Variants in TMEM245 observed in about 807,000 individuals in gnomAD.
TMEM245 encodes transmembrane protein 245, also known as protein CG-2.
TMEM245 carries 69 observed loss-of-function variants against 101.2 expected under a neutral mutation model. The ratio of observed to expected loss-of-function variants is 0.68; its 90% confidence interval spans 0.56 to 0.83. TMEM245 has a LOEUF of 0.83. TMEM245 is among the 40% of genes least tolerant of loss of function. The probability of loss-of-function intolerance (pLI) is 0.00; values close to 1 mark genes in which losing one functional copy is unlikely to be tolerated. For synonymous variants in TMEM245, 537 were observed against 449.8 expected, an observed-to-expected ratio of 1.19 and a Z score of -2.45; for missense variants, 1,075 against 1,092.8, an observed-to-expected ratio of 0.98 and a Z score of 0.23.
At chr9:109,028,110 C>G (rs570403194) in intron 17 of TMEM245, among the ~76,000 whole-genome samples, 1 of 152,116 alleles carries the variant, frequency 6.6e-6, no homozygotes, top group Admixed American at 6.5e-5. Context: ...CTTTTTTGCA[C>G]TTTGGAATAT....
At chr9:109,086,154 G>T in intron 6 of TMEM245, 134 bp from the exon 7 acceptor site, 1 of 836,128 alleles carries the variant, frequency 1.2e-6, no homozygotes. Flanking sequence ...AACTAGGGAC[G>T]GAAAAACTGT....
intron 14 of TMEM245, among the ~76,000 whole-genome samples, chr9:109,049,943 C>T (rs911465624): frequency 1.3e-5 from 2 of 152,288 alleles, no homozygotes; most frequent in Admixed American, 1.3e-4. Flanking sequence ...GTGCATGCCA[C>T]CAAGCCCAGA....
intron 8 of TMEM245, among the ~76,000 whole-genome samples, chr9:109,079,226 A>G (rs1019219028): frequency 2.6e-5 from 4 of 151,866 alleles, no homozygotes; most frequent in Admixed American, 6.6e-5. Context: ...TTTATTCTTG[A>G]TTTCTGTGGA....
In TMEM245 at chr9:109,108,439, A is replaced by G; in HGVS notation, c.697+14T>C. 3 of 1,444,244 alleles carry G rather than the reference A, an allele frequency of 2.1e-6. No homozygotes were observed. Among genetic ancestry groups the G allele is most frequent in the Admixed American group, 2.5e-5 (1 of 39,698 alleles). 89.5% of individuals were successfully genotyped at this position (1,444,244 alleles called of 1,614,324 possible). A position where few individuals can be genotyped will look rare whatever the true frequency, so the allele number is the denominator to read the frequency against. Reference sequence around the variant, plus strand: ...TAGACTTAAAAAAAAAAAAAAAAAAAAGAAGGAACCCACCTAAATGAAAAA... The same window carrying G: ...TAGACTTAAAAAAAAAAAAAAAAAAGAGAAGGAACCCACCTAAATGAAAAA... On this transcript the variant is annotated intron_variant, in intron 2 of 17. Coordinates refer to ENST00000374586, the MANE Select transcript of TMEM245 (RefSeq NM_032012.4).
chr9:109,089,554 A>G (rs1028389424), intron 5 of TMEM245, among the ~76,000 whole-genome samples: 8 of 152,194 alleles, frequency 5.3e-5, no homozygotes, highest in African/African-American at 1.9e-4. Flanking sequence ...AGAAGGCAAA[A>G]TCCACAGCAG....
At chr9:109,041,973 C>T (rs566597906) in intron 14 of TMEM245, among the ~76,000 whole-genome samples, 36 of 152,082 alleles carry the variant, frequency 2.4e-4, no homozygotes, top group African/African-American at 8.2e-4. Context: ...CTACTATAAC[C>T]ACAAAAAATT....
intron 8 of TMEM245, among the ~76,000 whole-genome samples, chr9:109,080,070 T>C (rs1829623914): frequency 6.6e-6 from 1 of 152,040 alleles, no homozygotes; most frequent in Non-Finnish European, 1.5e-5. Flanking sequence ...CTTTAGCAAA[T>C]TGGTTAATTA....
At chr9:109,055,721 G>A (rs942669590) in intron 12 of TMEM245, among the ~76,000 whole-genome samples, 4 of 150,548 alleles carry the variant, frequency 2.7e-5, no homozygotes, top group South Asian at 2.1e-4. Flanking sequence ...CGCACCCTCC[G>A]CCTCCCAGAT....
At chr9:109,093,375 GGAGT>G in intron 4 of TMEM245, 96 bp downstream of exon 4, 4 of 918,070 alleles carry the variant, frequency 4.4e-6, no homozygotes, top group Non-Finnish European at 5.1e-6. Flanking sequence ...AGGATCAGCA[GGAGT>G]AAGTAGCATT....
intron 1 of TMEM245, among the ~76,000 whole-genome samples, chr9:109,118,951 T>C (rs1173618168): frequency 6.6e-6 from 1 of 152,126 alleles, no homozygotes. Flanking sequence ...AGCTCTGACA[T>C]TCAGATGCGC....
Position 109,119,398 on chromosome 9 carries a change from C to T in TMEM245, c.516G>A (p.Gln172=). The T allele has an allele frequency of 6.5e-7, 1 of 1,528,498 alleles. No individual in the cohort carries two copies. The highest frequency in any genetic ancestry group is 8.8e-7 in the Non-Finnish European group (1 of 1,142,060). 94.7% of individuals were successfully genotyped at this position (1,528,498 alleles called of 1,614,324 possible). ...GCGTGGCAGCGTGCACCAGCAGCACCTGCACGCCCAAGTAGCTGCCGAGGC... is the reference window on the plus strand; with the variant it reads ...GCGTGGCAGCGTGCACCAGCAGCACTTGCACGCCCAAGTAGCTGCCGAGGC... The part of the protein sequence containing the change: ...LYCLGSYLGV[Q]VLLVHAATLI... The change falls in exon 1 of 18, where the codon CAG becomes CAA. Residue 172 remains glutamine (Q), a synonymous_variant. Transcript: ENST00000374586.
chr9:109,024,031 A>G (rs1160641400), intron 17 of TMEM245, among the ~76,000 whole-genome samples: 2 of 152,082 alleles, frequency 1.3e-5, no homozygotes, highest in Admixed American at 1.3e-4. Context: ...TGAGATCTTT[A>G]CAAATTCATT....
chr9:109,077,919 T>G (rs1407867733), intron 8 of TMEM245, among the ~76,000 whole-genome samples: 3 of 152,232 alleles, frequency 2.0e-5, no homozygotes, highest in African/African-American at 7.2e-5. Context: ...ACCTAAGTAT[T>G]GTCATGACCA....
chr9:109,039,605 T>C (rs1488610135), intron 14 of TMEM245, among the ~76,000 whole-genome samples: 1 of 151,786 alleles, frequency 6.6e-6, no homozygotes, highest in African/African-American at 2.4e-5. Flanking sequence ...GAACAAGACA[T>C]CTGAGACGCA....
intron 5 of TMEM245, among the ~76,000 whole-genome samples, chr9:109,089,361 C>T (rs536113396): frequency 6.6e-6 from 1 of 152,074 alleles, no homozygotes; most frequent in East Asian, 1.9e-4. Flanking sequence ...ATTAACTATC[C>T]AATTGAGTGA....
At chr9:109,099,349 G>T (rs1300270283) in intron 3 of TMEM245, among the ~76,000 whole-genome samples, 1 of 152,124 alleles carries the variant, frequency 6.6e-6, no homozygotes, top group Admixed American at 6.5e-5. Flanking sequence ...AACCAAACTT[G>T]TTCACTCATA....
intron 1 of TMEM245, among the ~76,000 whole-genome samples, chr9:109,117,038 G>A (rs1023754951): frequency 1.3e-5 from 2 of 151,888 alleles, no homozygotes; most frequent in South Asian, 2.1e-4. Context: ...TTTATGTTGA[G>A]TTTGTTTTTT....
Position 109,091,055 on chromosome 9 carries a change from C to A in TMEM245, c.1017G>T (p.Arg339Ser). 1 of 1,614,154 alleles carries A rather than the reference C, an allele frequency of 6.2e-7. No homozygotes were observed. Among genetic ancestry groups the A allele is most frequent in the Non-Finnish European group, 8.5e-7 (1 of 1,180,036 alleles). ...TTCTAAGAAACGTTCCTATTTCAGGCCTTCGTCTGCCCAGAGTAGGTGAAG... is the reference window on the plus strand; with the variant it reads ...TTCTAAGAAACGTTCCTATTTCAGGACTTCGTCTGCCCAGAGTAGGTGAAG... ...TSPSPTLGRR[R>S]PEIGTFLRKK... Residue 339 changes from arginine to serine, a missense_variant, in exon 5 of 18, where the codon AGG (arginine) becomes AGT (serine). Around this residue, in one of 2 missense-constraint regions of TMEM245, gnomAD observed 808 missense variants for 741.5 expected, o/e 1.09. Coordinates refer to ENST00000374586, the MANE Select transcript of TMEM245 (RefSeq NM_032012.4).
Position 109,108,501 on chromosome 9 carries a change from A to G in TMEM245, c.649T>C (p.Leu217=). 1 of 1,608,166 alleles carries G rather than the reference A, an allele frequency of 6.2e-7. No homozygotes were observed. The highest frequency in any genetic ancestry group is 8.5e-7 in the Non-Finnish European group (1 of 1,177,322). ...CAGACAGGAATTGAAACTGCTCTCA[A>G]GTAGCGTTCAGTGCTTGCATTCCAC... is the stretch of plus-strand genomic sequence containing the variant. The part of the protein sequence containing the change: ...FKWNASTERY[L]RAVSIPVWII... Residue 217 remains leucine, a synonymous_variant, in exon 2 of 18, where the codon TTG becomes CTG. Transcript: ENST00000374586.
Sources: gnomAD v4.1 joint callset for allele counts (sites outside exome capture counted in the v4.1 genomes callset) on GRCh38, gnomAD v4.1.1 for gene constraint, gnomAD v4.1.1 regional missense constraint, MANE v1.5 for transcripts, NCBI Gene and HGNC (gene_info 2026-07-23, HGNC 2026-07-21) for gene names.